Variants in MYO9B observed in about 807,000 individuals in gnomAD.
The protein encoded by MYO9B is myosin IXB.
A neutral mutation model predicts 229.5 loss-of-function variants in MYO9B; 71 were observed. The observed-to-expected ratio is 0.31, with a 90% CI of 0.26 to 0.38. The LOEUF (loss-of-function observed/expected upper bound fraction) is 0.38. Among genes scored for constraint, MYO9B ranks in the 10% least tolerant of loss-of-function variants. The pLI is 1.00. For synonymous variants in MYO9B, 1,185 were observed against 1,235.8 expected (o/e 0.96, Z 0.86); for missense variants, 2,255 against 2,920.5 (o/e 0.77, Z 5.25).
chr19:17,153,318 C>T (rs2072500144), intron 4 of MYO9B, among the ~76,000 whole-genome samples: 1 of 151,000 alleles, frequency 6.6e-6, no homozygotes, highest in African/African-American at 2.4e-5. Context: ...TCTCATGCCT[C>T]AGCCTCCCGA....
chr19:17,079,294 C>T (rs1330811159), intron 1 of MYO9B, among the ~76,000 whole-genome samples: 1 of 152,120 alleles, frequency 6.6e-6, no homozygotes, highest in African/African-American at 2.4e-5. Flanking sequence ...GCCATCCAGT[C>T]AGTTCTTAAT....
At position 17,159,391 on chromosome 19, in the gene MYO9B, A is replaced by G. The variant is rs1157893076; in HGVS notation, c.1330-4A>G. ...CCTTCTCCCTCTCCTTGACCTCCAA[A>G]CAGGTGAAGCGAGAAATCTTGGTGG... is the stretch of plus-strand genomic sequence containing the variant. On this transcript the variant is annotated splice_polypyrimidine_tract_variant and splice_region_variant and intron_variant, in intron 7 of 39. Transcript: ENST00000682292. 1 of 1,600,770 alleles carries G rather than the reference A, an allele frequency of 6.2e-7. No homozygotes were observed. The highest frequency in any genetic ancestry group is 1.3e-5 in the African/African-American group (1 of 74,718).
chr19:17,088,851 C>T (rs762662271), intron 1 of MYO9B, among the ~76,000 whole-genome samples: 5 of 152,002 alleles, frequency 3.3e-5, no homozygotes, highest in Non-Finnish European at 4.4e-5. Flanking sequence ...CCACTATGCC[C>T]GGCTCATTTT....
At position 17,212,406 on chromosome 19, in the gene MYO9B, G is replaced by T. The variant is rs913142803; in HGVS notation, c.*96G>T. On this transcript the variant is annotated 3_prime_UTR_variant, in exon 40 of 40. Coordinates refer to ENST00000682292, the MANE Select transcript of MYO9B (RefSeq NM_004145.4). This position sits in a 1 kb window ranked among gnomAD's most constrained non-coding sequence, Gnocchi z 5.4. ...AGCTAGTGTTCGGCCCTCAGAGAAG[G>T]ATCCAGAATCAAAAGCTCAAGAGTG... The T allele has an allele frequency of 2.6e-5, 35 of 1,347,746 alleles. No homozygotes were observed. The highest frequency in any genetic ancestry group is 3.4e-5 in the Non-Finnish European group (35 of 1,032,124). The allele number at this position is 1,347,746 out of a possible 1,614,324, so 83.5% of individuals were successfully genotyped here. A position where few individuals can be genotyped will look rare whatever the true frequency, so the allele number is the denominator to read the frequency against.
intron 4 of MYO9B, among the ~76,000 whole-genome samples, chr19:17,153,178 G>GT (rs1555698314): frequency 6.6e-6 from 1 of 151,126 alleles, no homozygotes; most frequent in Non-Finnish European, 1.5e-5. Flanking sequence ...TTGTTTGTTT[G>GT]TTTGTTTTTG....
rs762147230 is a variant in MYO9B, at chr19:17,145,447, G to A, written c.891G>A (p.Gly297=). Residue 297 remains glycine, a synonymous_variant, in exon 3 of 40, where the codon GGG becomes GGA. Transcript: ENST00000682292. ...ACAACAACAACTCCAGCCGGTTTGG[G>A]AAATTCATCCAAGTCAGCTACCTAG... is the stretch of plus-strand genomic sequence containing the variant. ...TAHNNNSSRF[G]KFIQVSYLES... is the part of the protein sequence containing the mutation. 33 of 1,613,856 alleles carry A rather than the reference G, an allele frequency of 2.0e-5. No homozygotes were observed. The highest frequency in any genetic ancestry group is 3.3e-4 in the Middle Eastern group (2 of 6,084).
chr19:17,112,801 CAG>C, intron 2 of MYO9B, among the ~76,000 whole-genome samples: 1 of 152,330 alleles, frequency 6.6e-6, no homozygotes, highest in Non-Finnish European at 1.5e-5. Context: ...GGGTCAGGGA[CAG>C]ACAGCAAGCT....
intron 2 of MYO9B, among the ~76,000 whole-genome samples, chr19:17,138,882 A>T (rs919599255): frequency 6.6e-6 from 1 of 152,108 alleles, no homozygotes; most frequent in East Asian, 1.9e-4. Flanking sequence ...ATACAAATAG[A>T]TGTAGCTGGC....
chr19:17,085,288 G>T (rs1395425304), intron 1 of MYO9B, among the ~76,000 whole-genome samples: 1 of 152,218 alleles, frequency 6.6e-6, no homozygotes, highest in African/African-American at 2.4e-5. Flanking sequence ...TTCATGGCCA[G>T]GAGGAGGAGC....
intron 13 of MYO9B, 86 bp from the exon 14 acceptor site, chr19:17,175,577 T>G (rs780488859): frequency 1.2e-5 from 13 of 1,096,698 alleles, no homozygotes; most frequent in Admixed American, 8.7e-5. Context: ...AGACTCCATC[T>G]CAAATAAATA....
chr19:17,086,787 C>T (rs1003715393), intron 1 of MYO9B, among the ~76,000 whole-genome samples: 2 of 151,588 alleles, frequency 1.3e-5, no homozygotes, highest in Non-Finnish European at 2.9e-5. Flanking sequence ...GGCTGAGGCA[C>T]GAGAATCACT....
At chr19:17,120,666 A>G (rs2057954551) in intron 2 of MYO9B, among the ~76,000 whole-genome samples, 1 of 146,190 alleles carries the variant, frequency 6.8e-6, no homozygotes, top group Non-Finnish European at 1.5e-5. Context: ...AAAAAAAGAT[A>G]GATAGATAGA....
intron 2 of MYO9B, among the ~76,000 whole-genome samples, chr19:17,117,601 AG>A (rs1291747563): frequency 6.6e-6 from 1 of 152,146 alleles, no homozygotes; most frequent in Non-Finnish European, 1.5e-5. Context: ...CACCTCTTTA[AG>A]GGAGAGTGAA....
Position 17,195,607 on chromosome 19 carries a change from G to T in MYO9B, c.4046+134G>T. ...GTGTGCGGGAGGCCTGAGGGAGGAG[G>T]ACGAGCAGGACATGCTAAAGACCAA... is the stretch of plus-strand genomic sequence containing the variant. On this transcript the variant is annotated intron_variant, in intron 22 of 39. Coordinates refer to ENST00000682292, the MANE Select transcript of MYO9B (RefSeq NM_004145.4). The surrounding 1 kb of genome is among the most constrained non-coding windows in gnomAD (Gnocchi z 4.5). 1 of 1,156,812 alleles carries T rather than the reference G, an allele frequency of 8.6e-7. No homozygotes were observed. The highest frequency in any genetic ancestry group is 1.2e-6 in the Non-Finnish European group (1 of 828,346). The allele number at this position is 1,156,812 out of a possible 1,614,324, so 71.7% of individuals were successfully genotyped here.
At position 17,132,426 on chromosome 19, in the gene MYO9B, A is replaced by G. The variant is rs138776610; in HGVS notation, c.841-12971A>G. ...GGTCTTGAACCCCTGACCTCAAGTG[A>G]TCCATCCACCTTGGCTTCCAAAGTG... On this transcript the variant is annotated intron_variant, in intron 2 of 39. Transcript: ENST00000682292. 2.9e-3 allele frequency among the ~76,000 whole-genome samples: 433 copies of G among 150,150 alleles called. 1 individual carries two copies. The highest frequency in any genetic ancestry group is 1.0e-2 in the African/African-American group (410 of 41,072).
chr19:17,108,336 A>C (rs2057813084), intron 2 of MYO9B, among the ~76,000 whole-genome samples: 1 of 151,496 alleles, frequency 6.6e-6, no homozygotes, highest in Non-Finnish European at 1.5e-5. Flanking sequence ...CTGTTTGCAA[A>C]GGGATGTGAT....
chr19:17,181,101 A>AC (rs1161319889), intron 15 of MYO9B, 61 bp downstream of exon 15: 7 of 1,229,466 alleles, frequency 5.7e-6, no homozygotes, highest in Non-Finnish European at 7.0e-6. Context: ...TACTCCTGCG[A>AC]CCCCGGCGGG....
At chr19:17,113,455 G>A (rs1351765399) in intron 2 of MYO9B, among the ~76,000 whole-genome samples, 1 of 152,186 alleles carries the variant, frequency 6.6e-6, no homozygotes, top group East Asian at 1.9e-4. Flanking sequence ...CTCGCCCTGC[G>A]AGCGGTCAAG....
chr19:17,084,503 G>A (rs1203460276), intron 1 of MYO9B, among the ~76,000 whole-genome samples: 2 of 151,980 alleles, frequency 1.3e-5, no homozygotes, highest in South Asian at 4.1e-4. Flanking sequence ...ACCACGGGGT[G>A]TGGACCAGCA....
Sources: allele counts gnomAD v4.1 joint callset (sites outside exome capture counted in the v4.1 genomes callset), GRCh38; gene constraint gnomAD v4.1.1; non-coding constraint Gnocchi (gnomAD v3.1); transcripts MANE v1.5; gene names NCBI Gene and HGNC (gene_info 2026-07-23, HGNC 2026-07-21).